The following PITPNC1 variants were observed in gnomAD, a reference collection of about 807,000 sequenced individuals.
PITPNC1 encodes the protein phosphatidylinositol transfer protein cytoplasmic 1.
In PITPNC1, 18 loss-of-function variants were observed where a neutral mutation model predicts 44.7. That is an observed-to-expected ratio of 0.40 (90% CI 0.28 to 0.60). PITPNC1 has a LOEUF of 0.60. PITPNC1 is among the 20% of genes least tolerant of loss of function. The probability of loss-of-function intolerance (pLI) is 0.39; values close to 1 mark genes in which losing one functional copy is unlikely to be tolerated. For missense variants in PITPNC1, 290 were observed against 418.4 expected, an observed-to-expected ratio of 0.69 and a Z score of 2.68; for synonymous variants, 141 against 149.6, an observed-to-expected ratio of 0.94 and a Z score of 0.42.
At chr17:67,378,984 T>G in intron 1 of PITPNC1, 7 of 985,402 alleles carry the variant, frequency 7.1e-6, no homozygotes, top group Non-Finnish European at 8.4e-6. Flanking sequence ...AGCGCGGCTC[T>G]GCTGTCCTTC....
intron 1 of PITPNC1, among the ~76,000 whole-genome samples, chr17:67,485,555 G>T (rs924276851): frequency 6.6e-6 from 1 of 151,620 alleles, no homozygotes; most frequent in Non-Finnish European, 1.5e-5. Flanking sequence ...AGTAGAGATG[G>T]GGTCTCACCA....
chr17:67,538,317 T>A (rs183076405), intron 2 of PITPNC1, among the ~76,000 whole-genome samples: 19 of 152,258 alleles, frequency 1.2e-4, no homozygotes, highest in African/African-American at 4.6e-4. Context: ...ATAAACTCCA[T>A]GGCTGGGCGT....
intron 6 of PITPNC1, among the ~76,000 whole-genome samples, chr17:67,636,594 G>T (rs2042036201): frequency 6.6e-6 from 1 of 152,118 alleles, no homozygotes; most frequent in African/African-American, 2.4e-5. Flanking sequence ...AGGGCTATAG[G>T]TACCACTGGG....
At chr17:67,570,828 A>G (rs942880562) in intron 4 of PITPNC1, among the ~76,000 whole-genome samples, 2 of 150,034 alleles carry the variant, frequency 1.3e-5, no homozygotes, top group East Asian at 3.9e-4. Flanking sequence ...TCTGTGGGTT[A>G]GGTGCCTGCT....
chr17:67,424,815 T>C lies in PITPNC1; in HGVS notation c.48+46613T>C, dbSNP rs910562938. Among the ~76,000 whole-genome samples the C allele has an allele frequency of 2.2e-4, 33 of 151,948 alleles. 1 individual carries two copies. The highest frequency in any genetic ancestry group is 2.1e-4 in the Non-Finnish European group (14 of 67,980). Reference sequence around the variant, plus strand: ...GGTTCAGGCGATTCTCTTGCCTCAGTGTCAGGCCTCTCAGCCCAAGCTAAG... The same window carrying C: ...GGTTCAGGCGATTCTCTTGCCTCAGCGTCAGGCCTCTCAGCCCAAGCTAAG... On this transcript the variant is annotated intron_variant, in intron 1 of 8. Transcript: ENST00000581322.
chr17:67,645,069 G>A (rs1471045096), intron 6 of PITPNC1, among the ~76,000 whole-genome samples: 4 of 152,052 alleles, frequency 2.6e-5, no homozygotes, highest in East Asian at 1.9e-4. Context: ...GGCCAGGCGC[G>A]GTGGCTCATG....
At chr17:67,515,628 G>T (rs147059494) in intron 1 of PITPNC1, among the ~76,000 whole-genome samples, 2 of 152,152 alleles carry the variant, frequency 1.3e-5, no homozygotes, top group Admixed American at 6.6e-5. Flanking sequence ...GCGTGGAGCC[G>T]GCTGCCTTTA....
intron 5 of PITPNC1, among the ~76,000 whole-genome samples, chr17:67,598,136 C>T (rs796839532): frequency 3.3e-5 from 5 of 151,914 alleles, no homozygotes; most frequent in Admixed American, 2.0e-4. Context: ...GCAGGAGAAT[C>T]GCTTGAACCA....
At chr17:67,401,362 A>G (rs182066900) in intron 1 of PITPNC1, among the ~76,000 whole-genome samples, 1 of 152,268 alleles carries the variant, frequency 6.6e-6, no homozygotes, top group Non-Finnish European at 1.5e-5. Flanking sequence ...TGGGCTTAAT[A>G]CCAGCCATCG....
chr17:67,437,733 C>G (rs1015110183), intron 1 of PITPNC1, among the ~76,000 whole-genome samples: 1 of 152,064 alleles, frequency 6.6e-6, no homozygotes, highest in Non-Finnish European at 1.5e-5. Flanking sequence ...CTCTAAGATC[C>G]CAGAGGAGGT....
chr17:67,693,133 G>C lies in PITPNC1; in HGVS notation c.*245G>C, dbSNP rs915561319. ...AGGAATCTTCTGTAACCACATAGCT[G>C]TATGCCAGAGAGGAAGCCTTGTTAT... On this transcript the variant is annotated 3_prime_UTR_variant, in exon 9 of 9. Coordinates refer to ENST00000581322, the MANE Select transcript of PITPNC1 (RefSeq NM_012417.4). The C allele has an allele frequency of 1.2e-5, 5 of 419,826 alleles. No individual in the cohort carries two copies. In the South Asian group the frequency reaches 2.7e-4, roughly 22 times the overall value. 26.0% of individuals were successfully genotyped at this position (419,826 alleles called of 1,614,324 possible).
chr17:67,417,214 C>A (rs1265345182), intron 1 of PITPNC1, among the ~76,000 whole-genome samples: 1 of 152,116 alleles, frequency 6.6e-6, no homozygotes, highest in Non-Finnish European at 1.5e-5. Flanking sequence ...TCACTGAAGA[C>A]TTGAACTCCT....
At chr17:67,459,981 CAG>C (rs2039312255) in intron 1 of PITPNC1, among the ~76,000 whole-genome samples, 1 of 152,172 alleles carries the variant, frequency 6.6e-6, no homozygotes, top group South Asian at 2.1e-4. Flanking sequence ...AGCCCAGTAA[CAG>C]AGCTCTTCTA....
intron 6 of PITPNC1, among the ~76,000 whole-genome samples, chr17:67,650,985 A>G (rs1054266423): frequency 6.6e-6 from 1 of 152,196 alleles, no homozygotes; most frequent in East Asian, 1.9e-4. Flanking sequence ...AAAAAACACA[A>G]ACCGCTCAGG....
intron 5 of PITPNC1, among the ~76,000 whole-genome samples, chr17:67,621,936 G>C (rs1049204724): frequency 2.6e-5 from 4 of 152,112 alleles, no homozygotes; most frequent in Non-Finnish European, 5.9e-5. Flanking sequence ...GGGCAATGTA[G>C]CAAGACCCTG....
At chr17:67,607,706 A>G (rs2041626366) in intron 5 of PITPNC1, among the ~76,000 whole-genome samples, 1 of 150,332 alleles carries the variant, frequency 6.7e-6, no homozygotes, top group Non-Finnish European at 1.5e-5. Context: ...TACAGACATC[A>G]TGACTCCTTA....
intron 5 of PITPNC1, among the ~76,000 whole-genome samples, chr17:67,631,657 A>AAAAAAATAT (rs1555574522): frequency 5.2e-4 from 4 of 7,680 alleles, no homozygotes; most frequent in African/African-American, 1.5e-3. Context: ...AAAAAAAAAA[A>AAAAAAATAT]ATATATATAT....
chr17:67,522,659 C>CCTTTTTTTTTTTTTTTT (rs1555661487), intron 1 of PITPNC1, among the ~76,000 whole-genome samples: 2 of 117,228 alleles, frequency 1.7e-5, no homozygotes, highest in African/African-American at 8.8e-5. Flanking sequence ...CCATTTTAAT[C>CCTTTTTTTTTTTTTTTT]TTTTTTTTTT....
intron 1 of PITPNC1, among the ~76,000 whole-genome samples, chr17:67,380,828 C>T (rs750621669): frequency 7.9e-5 from 12 of 151,884 alleles, no homozygotes; most frequent in Non-Finnish European, 1.6e-4. Flanking sequence ...GGCTGGAGTG[C>T]AGTGGCGTGA....
Sources: allele counts gnomAD v4.1 joint callset (sites outside exome capture counted in the v4.1 genomes callset), GRCh38; gene constraint gnomAD v4.1.1; transcripts MANE v1.5; gene names NCBI Gene and HGNC (gene_info 2026-07-23, HGNC 2026-07-21).